The following GRIP1 variants were observed in gnomAD, a reference collection of about 807,000 sequenced individuals.
GRIP1 encodes the protein glutamate receptor interacting protein 1.
A neutral mutation model predicts 129.9 loss-of-function variants in GRIP1; 45 were observed. The observed-to-expected ratio is 0.35, with a 90% CI of 0.27 to 0.44. The LOEUF (loss-of-function observed/expected upper bound fraction) is 0.44. Ranked by LOEUF, GRIP1 falls within the 20% of genes least tolerant of loss-of-function variation. The pLI is 1.00. For synonymous variants in GRIP1, 530 were observed against 520.8 expected (o/e 1.02, Z -0.24); for missense variants, 1,196 against 1,396.8 (o/e 0.86, Z 2.29).
chr12:66,900,188 C>G (rs758082090), intron 1 of GRIP1, among the ~76,000 whole-genome samples: 4 of 152,146 alleles, frequency 2.6e-5, no homozygotes, highest in Admixed American at 6.5e-5. Context: ...TTAGGCTTGT[C>G]TGTATATAAT....
intron 2 of GRIP1, among the ~76,000 whole-genome samples, chr12:66,546,187 A>T (rs1006999083): frequency 6.6e-6 from 1 of 152,212 alleles, no homozygotes; most frequent in Non-Finnish European, 1.5e-5. Context: ...CATAGTTAAG[A>T]GTAATAAAGA....
intron 1 of GRIP1, among the ~76,000 whole-genome samples, chr12:66,704,474 A>T (rs1191696814): frequency 1.3e-5 from 2 of 152,102 alleles, no homozygotes; most frequent in African/African-American, 2.4e-5. Context: ...AAAGATGTGA[A>T]GAAACAGTGG....
intron 9 of GRIP1, among the ~76,000 whole-genome samples, chr12:66,461,353 A>C (rs185317935): frequency 6.7e-4 from 102 of 152,336 alleles, no homozygotes; most frequent in Non-Finnish European, 1.0e-3. Flanking sequence ...CACAGTGTAC[A>C]TTCTTATGGC....
At chr12:66,833,686 T>C (rs1418968493) in intron 1 of GRIP1, among the ~76,000 whole-genome samples, 3 of 152,188 alleles carry the variant, frequency 2.0e-5, no homozygotes, top group East Asian at 1.9e-4. Flanking sequence ...ATCATTAATA[T>C]TGGAATTTAA....
intron 9 of GRIP1, among the ~76,000 whole-genome samples, chr12:66,461,278 G>A (rs965677686): frequency 1.3e-5 from 2 of 152,198 alleles, no homozygotes; most frequent in Non-Finnish European, 2.9e-5. Flanking sequence ...AAAGGGTCTG[G>A]TATGCATTTC....
chr12:66,974,215 C>G (rs1288933328), intron 1 of GRIP1, among the ~76,000 whole-genome samples: 1 of 152,056 alleles, frequency 6.6e-6, no homozygotes, highest in Non-Finnish European at 1.5e-5. Context: ...TGAGCCACCG[C>G]ACCTGGCCTG....
chr12:66,490,703 G>C (rs746382163), intron 7 of GRIP1, among the ~76,000 whole-genome samples: 1 of 152,052 alleles, frequency 6.6e-6, no homozygotes, highest in Non-Finnish European at 1.5e-5. Context: ...GAGAATTTTT[G>C]CAATTTATAC....
At position 66,696,715 on chromosome 12, in the gene GRIP1, G is replaced by A. The variant is rs1252302555; in HGVS notation, c.-419-66379C>T. Among the ~76,000 whole-genome samples, 63 of 148,320 alleles carry A rather than the reference G, an allele frequency of 4.2e-4. 1 individual carries two copies. The highest frequency in any genetic ancestry group is 4.4e-5 in the Non-Finnish European group (3 of 67,500). On this transcript the variant is annotated intron_variant, in intron 1 of 4. Coordinates refer to the GRIP1 transcript ENST00000538373. The stretch of plus-strand genomic sequence containing the variant: ...AGCTACTTGGGAGGCTGAGGCAGGA[G>A]AATGGCGTGAACCCGGGAGGCAGAG...
At chr12:66,902,608 T>C (rs2040861209) in intron 1 of GRIP1, among the ~76,000 whole-genome samples, 1 of 152,186 alleles carries the variant, frequency 6.6e-6, no homozygotes, top group South Asian at 2.1e-4. Context: ...GGTTACCAAG[T>C]AGGCCACTTC....
chr12:66,488,192 C>T (rs1415905849), intron 7 of GRIP1, among the ~76,000 whole-genome samples: 2 of 152,184 alleles, frequency 1.3e-5, no homozygotes, highest in Non-Finnish European at 2.9e-5. Flanking sequence ...CTCATTGCCA[C>T]ACAATACTTA....
At chr12:66,872,482 C>G (rs571978718) in intron 1 of GRIP1, among the ~76,000 whole-genome samples, 2 of 152,162 alleles carry the variant, frequency 1.3e-5, no homozygotes, top group African/African-American at 2.4e-5. Context: ...ATAATAAAAT[C>G]TCTTCCTGGC....
intron 4 of GRIP1, among the ~76,000 whole-genome samples, chr12:66,536,557 A>C (rs1290542817): frequency 6.6e-6 from 1 of 150,932 alleles, no homozygotes; most frequent in Non-Finnish European, 1.5e-5. Context: ...CATACAACCA[A>C]CTCCCTCACC....
chr12:66,973,308 G>GT (rs1265442337), intron 1 of GRIP1, among the ~76,000 whole-genome samples: 4 of 149,018 alleles, frequency 2.7e-5, no homozygotes, highest in South Asian at 2.1e-4. Flanking sequence ...TTTGGGGTAG[G>GT]TTTTTTTCTT....
chr12:66,623,454 C>T (rs1004497172), intron 1 of GRIP1, among the ~76,000 whole-genome samples: 3 of 152,154 alleles, frequency 2.0e-5, no homozygotes, highest in Non-Finnish European at 4.4e-5. Flanking sequence ...TCTGTATCAT[C>T]TCTTGGTATG....
intron 1 of GRIP1, among the ~76,000 whole-genome samples, chr12:67,010,731 A>G (rs2135713766): frequency 6.6e-6 from 1 of 151,754 alleles, no homozygotes; most frequent in South Asian, 2.1e-4. Context: ...CTGAGTGCAG[A>G]AAGCGGGGAC....
chr12:66,912,977 C>A (rs1009218367), intron 1 of GRIP1, among the ~76,000 whole-genome samples: 1 of 152,124 alleles, frequency 6.6e-6, no homozygotes, highest in Non-Finnish European at 1.5e-5. Context: ...CCTGAAAGAA[C>A]TTCAAATACC....
At chr12:66,723,239 TCTTCCTTCCTTCCTTCCTTC>T (rs1187415539) in intron 1 of GRIP1, among the ~76,000 whole-genome samples, 3 of 23,600 alleles carry the variant, frequency 1.3e-4, no homozygotes, top group Non-Finnish European at 2.0e-4. Flanking sequence ...TCTCTCTCTC[TCTTCCTTCCTTCCTTCCTTC>T]CTTCCTTCCT....
intron 1 of GRIP1, among the ~76,000 whole-genome samples, chr12:67,060,820 G>A (rs910037100): frequency 5.9e-4 from 39 of 65,906 alleles, no homozygotes; most frequent in South Asian, 2.5e-3. Flanking sequence ...ACGAAACTCC[G>A]TCTCAAAAAA....
chr12:66,780,010 C>T (rs1294360271), intron 1 of GRIP1, among the ~76,000 whole-genome samples: 1 of 152,004 alleles, frequency 6.6e-6, no homozygotes, highest in Non-Finnish European at 1.5e-5. Context: ...AGGGAAGGAG[C>T]GGGAGATATG....
Sources: gnomAD v4.1 joint callset for allele counts (sites outside exome capture counted in the v4.1 genomes callset) on GRCh38, gnomAD v4.1.1 for gene constraint, MANE v1.5 for transcripts, NCBI Gene and HGNC (gene_info 2026-07-23, HGNC 2026-07-21) for gene names.